Variants in TRAF2 observed in about 807,000 individuals in gnomAD.
The protein encoded by TRAF2 is TNF receptor associated factor 2, also known as TNF receptor-associated factor 2.
In TRAF2, 6 loss-of-function variants were observed where a neutral mutation model predicts 55.6. The observed-to-expected ratio is 0.11, with a 90% CI of 0.06 to 0.21. The LOEUF (loss-of-function observed/expected upper bound fraction) is 0.21, where lower values mean the gene tolerates loss of function less well. Among genes scored for constraint, TRAF2 ranks in the 10% least tolerant of loss-of-function variants. TRAF2 has a pLI of 1.00. For missense variants in TRAF2, 561 were observed against 684.5 expected, an observed-to-expected ratio of 0.82 and a Z score of 2.01; for synonymous variants, 329 against 276.3, an observed-to-expected ratio of 1.19 and a Z score of -1.89.
At chr9:136,902,828 A>T (rs1362133635) in intron 4 of TRAF2, among the ~76,000 whole-genome samples, 2 of 152,124 alleles carry the variant, frequency 1.3e-5, no homozygotes, top group Non-Finnish European at 2.9e-5. Context: ...TTGGGGCCTT[A>T]TTGTAAACAC....
intron 1 of TRAF2, 26 bp downstream of exon 1, chr9:136,886,567 G>T: frequency 1.0e-6 from 1 of 983,276 alleles, no homozygotes; most frequent in Non-Finnish European, 1.2e-6. Context: ...GGTCGGGTGC[G>T]GGGTCGGGCG....
chr9:136,925,608 A>G (rs1033178245), intron 10 of TRAF2, 75 bp from the exon 11 acceptor site: 3 of 1,476,184 alleles, frequency 2.0e-6, no homozygotes, highest in African/African-American at 2.8e-5. Flanking sequence ...TGGCCCTGCC[A>G]GTGTCCAGAC....
upstream of TRAF2, among the ~76,000 whole-genome samples, chr9:136,884,656 C>T (rs1849413665): frequency 6.6e-6 from 1 of 152,214 alleles, no homozygotes; most frequent in South Asian, 2.1e-4. Context: ...TCCTGAGCTT[C>T]AGTCATCTTC....
intron 1 of TRAF2, 61 bp from the exon 2 acceptor site, chr9:136,898,652 T>TG: frequency 6.3e-7 from 1 of 1,588,862 alleles, no homozygotes; most frequent in South Asian, 1.1e-5. Context: ...ACCATTGGTT[T>TG]GGTTTTGTCT....
chr9:136,899,733 A>C (rs530407045), intron 3 of TRAF2, 61 bp downstream of exon 3: 1 of 1,527,246 alleles, frequency 6.5e-7, no homozygotes, highest in Non-Finnish European at 9.0e-7. Context: ...TTCCTTTACA[A>C]CATGGGTGGG....
In TRAF2 at chr9:136,926,253, G is replaced by GT; in HGVS notation, c.*353dup. The GT allele has an allele frequency of 2.4e-6, 1 of 411,814 alleles. No homozygotes were observed. The highest frequency in any genetic ancestry group is 2.0e-5 in the South Asian group (1 of 50,460). The allele number at this position is 411,814 out of a possible 1,614,324, so 25.5% of individuals were successfully genotyped here. A position where few individuals can be genotyped will look rare whatever the true frequency, so the allele number is the denominator to read the frequency against. On this transcript the variant is annotated 3_prime_UTR_variant, in exon 11 of 11. Transcript: ENST00000247668. ...CTCAGAGTGGGAGCACATCCCAGCA[G>GT]TGCCCATGTAGCAGGAGCACAGTGG...
chr9:136,886,467 A>AGCGGCGGCG (rs758131750), upstream of TRAF2: 45 of 1,004,746 alleles, frequency 4.5e-5, no homozygotes, highest in South Asian at 7.2e-4. Context: ...CACGCGGCGG[A>AGCGGCGGCG]GCGGCGGCGG....
chr9:136,901,557 C>T (rs1443557775), intron 4 of TRAF2, among the ~76,000 whole-genome samples: 1 of 152,208 alleles, frequency 6.6e-6, no homozygotes, highest in African/African-American at 2.4e-5. Flanking sequence ...CCCTTAGAGT[C>T]ATCAGATCCA....
chr9:136,898,994 C>G, intron 2 of TRAF2, 66 bp downstream of exon 2: 1 of 1,492,478 alleles, frequency 6.7e-7, no homozygotes, highest in Non-Finnish European at 9.0e-7. Flanking sequence ...GCCACGCTGC[C>G]CAGCCTGGTA....
At chr9:136,902,632 T>G (rs527922856) in intron 4 of TRAF2, among the ~76,000 whole-genome samples, 2 of 152,276 alleles carry the variant, frequency 1.3e-5, no homozygotes, top group South Asian at 2.1e-4. Flanking sequence ...GGTTTGGTCA[T>G]GTGGGAGGGG....
At chr9:136,909,829 C>A in intron 5 of TRAF2, 91 bp from the exon 6 acceptor site, 1 of 1,358,124 alleles carries the variant, frequency 7.4e-7, no homozygotes, top group Non-Finnish European at 1.0e-6. Context: ...TGCGGCCCCT[C>A]GGCGCTGCCC....
intron 10 of TRAF2, 91 bp from the exon 11 acceptor site, chr9:136,925,592 T>C (rs558551100): frequency 2.7e-5 from 36 of 1,334,622 alleles, no homozygotes; most frequent in Non-Finnish European, 3.6e-5. Flanking sequence ...GATGGCCTCC[T>C]GCTGGTGGCC....
Position 136,926,059 on chromosome 9 carries a change from G to A in TRAF2, c.*158G>A. 1 of 900,020 alleles carries A rather than the reference G, an allele frequency of 1.1e-6. No homozygotes were observed. Among genetic ancestry groups the A allele is most frequent in the Admixed American group, 1.8e-5 (1 of 56,860 alleles). 55.8% of individuals were successfully genotyped at this position (900,020 alleles called of 1,614,324 possible). A position where few individuals can be genotyped will look rare whatever the true frequency, so the allele number is the denominator to read the frequency against. ...CCTGCAGCCAAGTTCACTGTCACGG[G>A]GGAAGGAGCCACCAGCCAGTCCTCA... On this transcript the variant is annotated 3_prime_UTR_variant, in exon 11 of 11. Transcript: ENST00000247668.
chr9:136,924,778 C>A (rs563309028), intron 10 of TRAF2, among the ~76,000 whole-genome samples: 1 of 151,960 alleles, frequency 6.6e-6, no homozygotes, highest in South Asian at 2.1e-4. Flanking sequence ...CTTGCTCTGT[C>A]GCCCAGGCTG....
At position 136,925,532 on chromosome 9, in the gene TRAF2, C is replaced by A. The variant is rs12554888; in HGVS notation, c.1288-151C>A. 3 of 736,620 alleles carry A rather than the reference C, an allele frequency of 4.1e-6. No homozygotes were observed. The African/African-American group carries it at 5.3e-5, about 13-fold the overall frequency. 45.6% of individuals were successfully genotyped at this position (736,620 alleles called of 1,614,324 possible). A position where few individuals can be genotyped will look rare whatever the true frequency, so the allele number is the denominator to read the frequency against. Reference sequence around the variant, plus strand: ...CCGGGCGCTGTGGCAGGAGCAAGGCCGCCCACCACGTGGTCTCGGCTGGGC... The same window carrying A: ...CCGGGCGCTGTGGCAGGAGCAAGGCAGCCCACCACGTGGTCTCGGCTGGGC... On this transcript the variant is annotated intron_variant, in intron 10 of 10. Coordinates refer to ENST00000247668, the MANE Select transcript of TRAF2 (RefSeq NM_021138.4).
At chr9:136,899,948 C>T (rs1052544828) in intron 3 of TRAF2, among the ~76,000 whole-genome samples, 37 of 152,126 alleles carry the variant, frequency 2.4e-4, no homozygotes, top group African/African-American at 7.9e-4. Context: ...GGTGGATCAC[C>T]TGAGGTAAGG....
At chr9:136,882,483 C>T (rs1325011133), upstream of TRAF2, among the ~76,000 whole-genome samples, 1 of 152,198 alleles carries the variant, frequency 6.6e-6, no homozygotes, top group Non-Finnish European at 1.5e-5. Flanking sequence ...GACACGGAGC[C>T]CAGGACAGCA....
At chr9:136,896,904 G>A (rs1019168715) in intron 1 of TRAF2, among the ~76,000 whole-genome samples, 3 of 152,286 alleles carry the variant, frequency 2.0e-5, no homozygotes, top group East Asian at 1.9e-4. Context: ...GTTGTAGTTC[G>A]TTGAGAGGGA....
At chr9:136,919,320 CAG>C (rs1395994805) in intron 7 of TRAF2, among the ~76,000 whole-genome samples, 11 of 84,086 alleles carry the variant, frequency 1.3e-4, no homozygotes, top group Admixed American at 3.2e-4. Flanking sequence ...TTTTTTGAGA[CAG>C]AGTTTCGCTC....
Sources: allele counts gnomAD v4.1 joint callset (sites outside exome capture counted in the v4.1 genomes callset), GRCh38; gene constraint gnomAD v4.1.1; transcripts MANE v1.5; gene names NCBI Gene and HGNC (gene_info 2026-07-23, HGNC 2026-07-21).